Variants in FOXO1 observed in about 807,000 individuals in gnomAD.
The protein encoded by FOXO1 is forkhead box O1, also known as forkhead box protein O1.
FOXO1 carries 6 observed loss-of-function variants against 44.1 expected under a neutral mutation model. The ratio of observed to expected loss-of-function variants is 0.14; its 90% CI spans 0.07 to 0.27. The LOEUF (loss-of-function observed/expected upper bound fraction) is 0.27. Ranked by LOEUF, FOXO1 falls within the 10% of genes least tolerant of loss-of-function variation. The pLI is 1.00. For synonymous variants in FOXO1, 380 were observed against 362.7 expected, an observed-to-expected ratio of 1.05 and a Z score of -0.54; for missense variants, 737 against 888.8, an observed-to-expected ratio of 0.83 and a Z score of 2.17.
chr13:40,621,126 T>C, intron 1 of FOXO1: 1 of 383,104 alleles, frequency 2.6e-6, no homozygotes, highest in South Asian at 2.8e-5. Flanking sequence ...AAGAGCAGAC[T>C]GACAATCTTT....
chr13:40,629,270 G>C (rs1019954558), intron 1 of FOXO1, among the ~76,000 whole-genome samples: 10 of 152,120 alleles, frequency 6.6e-5, no homozygotes, highest in African/African-American at 2.4e-4. Flanking sequence ...AGCCTCCCGA[G>C]TAGCTGGGAT....
intron 1 of FOXO1, among the ~76,000 whole-genome samples, chr13:40,575,680 G>C (rs938593438): frequency 1.3e-5 from 2 of 152,086 alleles, no homozygotes; most frequent in Non-Finnish European, 2.9e-5. Flanking sequence ...AATTTTCAAT[G>C]AACAATTATT....
chr13:40,585,753 T>C (rs1875140833), intron 1 of FOXO1, among the ~76,000 whole-genome samples: 1 of 152,070 alleles, frequency 6.6e-6, no homozygotes, highest in Non-Finnish European at 1.5e-5. Flanking sequence ...AGCTGCCCAT[T>C]TTCAAGGGTT....
At chr13:40,644,951 A>C (rs903655755) in intron 1 of FOXO1, among the ~76,000 whole-genome samples, 1 of 152,256 alleles carries the variant, frequency 6.6e-6, no homozygotes, top group Admixed American at 6.5e-5. Flanking sequence ...GGAAGGCTGC[A>C]GAATTTGCTA....
chr13:40,581,034 C>A (rs1032319508), intron 1 of FOXO1, among the ~76,000 whole-genome samples: 7 of 152,282 alleles, frequency 4.6e-5, no homozygotes, highest in Admixed American at 1.3e-4. Context: ...TGCCAAGAGA[C>A]GGAGTTGAGA....
intron 1 of FOXO1, among the ~76,000 whole-genome samples, chr13:40,588,890 A>T (rs1443289976): frequency 6.6e-6 from 1 of 152,188 alleles, no homozygotes. Context: ...AGATTGCTGG[A>T]AGTCAGGAGT....
intron 1 of FOXO1, among the ~76,000 whole-genome samples, chr13:40,625,058 T>C (rs1336974499): frequency 6.6e-6 from 1 of 152,222 alleles, no homozygotes; most frequent in Non-Finnish European, 1.5e-5. Context: ...TACTTTTTAT[T>C]GTGAGAGATT....
At chr13:40,564,813 T>A (rs952101704) in intron 1 of FOXO1, among the ~76,000 whole-genome samples, 1 of 152,118 alleles carries the variant, frequency 6.6e-6, no homozygotes, top group East Asian at 1.9e-4. Context: ...TCCTCTCCAC[T>A]AGCTTGTTTC....
chr13:40,559,868 G>A lies in FOXO1; in HGVS notation c.1623C>T (p.His541=). The change falls in exon 2 of 3, where the codon CAC becomes CAT. Residue 541 remains histidine, a synonymous_variant. Transcript: ENST00000379561. The part of the protein sequence containing the change: ...TSAVNGRPLP[H]TVSTMPHTSG... The stretch of plus-strand genomic sequence containing the variant: ...AGGTGTGGGGCATGGTGCTTACCGT[G>A]TGGGGCAGGGGACGCCCGTTAACTG... The A allele has an allele frequency of 6.2e-7, 1 of 1,614,162 alleles. No homozygotes were observed. Among genetic ancestry groups the A allele is most frequent in the Non-Finnish European group, 8.5e-7 (1 of 1,180,030 alleles).
intron 1 of FOXO1, among the ~76,000 whole-genome samples, chr13:40,662,184 A>AG (rs1447460285): frequency 1.1e-4 from 16 of 151,426 alleles, no homozygotes; most frequent in African/African-American, 3.9e-4. Context: ...AAAAAAAAAA[A>AG]AAAAAAAAAA....
At chr13:40,605,769 T>A (rs1347831066) in intron 1 of FOXO1, among the ~76,000 whole-genome samples, 1 of 152,116 alleles carries the variant, frequency 6.6e-6, no homozygotes, top group African/African-American at 2.4e-5. Context: ...TACGTATGAA[T>A]CAGTAGCTAC....
intron 1 of FOXO1, among the ~76,000 whole-genome samples, chr13:40,630,547 C>T (rs937985984): frequency 6.6e-5 from 10 of 151,472 alleles, no homozygotes; most frequent in Admixed American, 4.6e-4. Flanking sequence ...CCCAGCTACT[C>T]GGAAGGCTGA....
At chr13:40,583,585 T>C (rs572897201) in intron 1 of FOXO1, among the ~76,000 whole-genome samples, 1 of 152,336 alleles carries the variant, frequency 6.6e-6, no homozygotes, top group East Asian at 1.9e-4. Context: ...AGATGGCTTC[T>C]TTCCTTACAC....
intron 1 of FOXO1, among the ~76,000 whole-genome samples, chr13:40,640,397 C>G (rs1877308259): frequency 6.6e-6 from 1 of 152,238 alleles, no homozygotes; most frequent in African/African-American, 2.4e-5. Context: ...CACTCTCTCT[C>G]TCTAAGTATC....
chr13:40,572,668 A>G (rs565814533), intron 1 of FOXO1, among the ~76,000 whole-genome samples: 1 of 152,334 alleles, frequency 6.6e-6, no homozygotes, highest in Non-Finnish European at 1.5e-5. Context: ...AGCTTCCCAA[A>G]TGGGTTGACC....
At chr13:40,624,857 AAC>A (rs1018611111) in intron 1 of FOXO1, among the ~76,000 whole-genome samples, 49 of 152,360 alleles carry the variant, frequency 3.2e-4, no homozygotes, top group African/African-American at 9.1e-4. Flanking sequence ...TTATGTATAT[AAC>A]ACAGAATATT....
intron 1 of FOXO1, among the ~76,000 whole-genome samples, chr13:40,578,057 C>A (rs1480068145): frequency 6.6e-6 from 1 of 152,180 alleles, no homozygotes; most frequent in Non-Finnish European, 1.5e-5. Context: ...CCACCAACTT[C>A]TCTTCCACCC....
At chr13:40,647,552 G>A (rs1877551337) in intron 1 of FOXO1, among the ~76,000 whole-genome samples, 1 of 152,110 alleles carries the variant, frequency 6.6e-6, no homozygotes, top group African/African-American at 2.4e-5. Context: ...TTACAGCCGT[G>A]CACCACCACA....
In FOXO1 at chr13:40,645,441, T is replaced by C. The variant is rs144995865; in HGVS notation, c.630+20142A>G. Among the ~76,000 whole-genome samples, 144 of 152,308 alleles carry C rather than the reference T, an allele frequency of 9.5e-4. 1 individual carries two copies. Among genetic ancestry groups the C allele is most frequent in the East Asian group, 4.6e-3 (24 of 5,184 alleles). On this transcript the variant is annotated intron_variant, in intron 1 of 2. Transcript: ENST00000379561. ...GATTTCCTCTTTACAGGCCTTAAGG[T>C]GACTTGCATCATGTTCACGCCCAGG...
Sources: gnomAD v4.1 joint callset for allele counts (sites outside exome capture counted in the v4.1 genomes callset) on GRCh38, gnomAD v4.1.1 for gene constraint, MANE v1.5 for transcripts, NCBI Gene and HGNC (gene_info 2026-07-23, HGNC 2026-07-21) for gene names.